Variants in LRMDA observed in about 807,000 individuals in gnomAD.
LRMDA encodes the protein leucine rich melanocyte differentiation associated, also known as leucine-rich melanocyte differentiation-associated protein.
In LRMDA, 18 loss-of-function variants were observed where a neutral mutation model predicts 29.8. That is an observed-to-expected ratio of 0.60 (90% CI 0.42 to 0.90). The LOEUF (loss-of-function observed/expected upper bound fraction) is 0.90. Ranked by LOEUF, LRMDA falls within the 40% of genes least tolerant of loss-of-function variation. The pLI is 0.00. For missense variants in LRMDA, 273 were observed against 273.9 expected (o/e 1.00, Z 0.02); for synonymous variants, 125 against 109.4 (o/e 1.14, Z -0.89).
At chr10:75,509,241 C>T (rs568031614) in intron 2 of LRMDA, among the ~76,000 whole-genome samples, 9 of 151,992 alleles carry the variant, frequency 5.9e-5, no homozygotes, top group Non-Finnish European at 1.0e-4. Context: ...CAGAAACCCA[C>T]GTGGCTAGAG....
intron 2 of LRMDA, among the ~76,000 whole-genome samples, chr10:75,482,730 G>A (rs1413893650): frequency 6.6e-6 from 1 of 152,062 alleles, no homozygotes; most frequent in East Asian, 1.9e-4. Flanking sequence ...GGGGTATAAG[G>A]ATACATTTTA....
intron 5 of LRMDA, among the ~76,000 whole-genome samples, chr10:76,138,709 T>A (rs1383461259): frequency 6.6e-6 from 1 of 152,192 alleles, no homozygotes; most frequent in Admixed American, 6.5e-5. Flanking sequence ...AGAGCCCAAA[T>A]ACCATTACAA....
intron 6 of LRMDA, among the ~76,000 whole-genome samples, chr10:76,493,972 T>C (rs915237864): frequency 6.6e-6 from 1 of 152,064 alleles, no homozygotes; most frequent in Admixed American, 6.6e-5. Context: ...TTCTGACAGT[T>C]TATTGCTTTT....
At chr10:75,675,249 A>G (rs1002876888) in intron 2 of LRMDA, among the ~76,000 whole-genome samples, 10 of 152,250 alleles carry the variant, frequency 6.6e-5, no homozygotes, top group African/African-American at 2.4e-4. Flanking sequence ...TTGTGTGAGC[A>G]GGATCTTAAT....
chr10:75,518,840 G>C (rs530827075), intron 2 of LRMDA, among the ~76,000 whole-genome samples: 1 of 152,282 alleles, frequency 6.6e-6, no homozygotes, highest in South Asian at 2.1e-4. Flanking sequence ...TGGGCACTTA[G>C]TGCTATAAAT....
At chr10:76,556,677 C>T (rs1421155384) in intron 6 of LRMDA, among the ~76,000 whole-genome samples, 5 of 152,076 alleles carry the variant, frequency 3.3e-5, no homozygotes, top group Non-Finnish European at 2.9e-5. Flanking sequence ...TTGTCAACAC[C>T]ACCTCTCTTC....
chr10:76,390,795 TC>T (rs2132483378), intron 6 of LRMDA, among the ~76,000 whole-genome samples: 1 of 152,224 alleles, frequency 6.6e-6, no homozygotes, highest in African/African-American at 2.4e-5. Context: ...TCAGCCCCCT[TC>T]CCCTCTGATT....
intron 5 of LRMDA, among the ~76,000 whole-genome samples, chr10:76,131,946 G>A (rs1483649517): frequency 6.6e-6 from 1 of 152,142 alleles, no homozygotes; most frequent in Non-Finnish European, 1.5e-5. Flanking sequence ...GAATATATAT[G>A]GCTGATGATG....
At chr10:75,894,886 G>A (rs1038605130) in intron 2 of LRMDA, among the ~76,000 whole-genome samples, 9 of 152,186 alleles carry the variant, frequency 5.9e-5, no homozygotes, top group African/African-American at 2.2e-4. Flanking sequence ...TAAGTGTTTT[G>A]TACTTACATA....
At chr10:76,440,474 G>T (rs1342984921) in intron 6 of LRMDA, among the ~76,000 whole-genome samples, 1 of 151,982 alleles carries the variant, frequency 6.6e-6, no homozygotes, top group South Asian at 2.1e-4. Flanking sequence ...TTTTAGTTTC[G>T]CTGAGTTCAG....
chr10:75,902,180 C>T (rs1307871830), intron 2 of LRMDA, among the ~76,000 whole-genome samples: 2 of 152,196 alleles, frequency 1.3e-5, no homozygotes, highest in Non-Finnish European at 2.9e-5. Flanking sequence ...TTTGGCTACC[C>T]CTTGGCCTTA....
intron 2 of LRMDA, among the ~76,000 whole-genome samples, chr10:75,490,576 C>G (rs377537218): frequency 2.6e-5 from 4 of 152,204 alleles, no homozygotes; most frequent in African/African-American, 9.6e-5. Context: ...TAGAATTGAA[C>G]AAACATATGG....
chr10:76,094,872 C>A (rs1000387945), intron 5 of LRMDA, among the ~76,000 whole-genome samples: 1 of 152,150 alleles, frequency 6.6e-6, no homozygotes, highest in Non-Finnish European at 1.5e-5. Flanking sequence ...AACTGGGAAG[C>A]CACAGTCCAT....
intron 5 of LRMDA, among the ~76,000 whole-genome samples, chr10:76,213,465 GCA>G (rs1434867930): frequency 6.6e-6 from 1 of 152,180 alleles, no homozygotes; most frequent in African/African-American, 2.4e-5. Context: ...CTCTTCAATG[GCA>G]CAGTTATAGA....
At chr10:75,792,051 G>A (rs1843575667) in intron 2 of LRMDA, among the ~76,000 whole-genome samples, 1 of 151,602 alleles carries the variant, frequency 6.6e-6, no homozygotes, top group Non-Finnish European at 1.5e-5. Context: ...AGTAGAGATG[G>A]GGTTTCACTG....
chr10:75,786,953 A>G (rs991613692), intron 2 of LRMDA, among the ~76,000 whole-genome samples: 3 of 152,236 alleles, frequency 2.0e-5, no homozygotes, highest in Admixed American at 6.5e-5. Context: ...AGGCAGAGGT[A>G]TCACACAATT....
intron 6 of LRMDA, among the ~76,000 whole-genome samples, chr10:76,436,552 C>T (rs1842246524): frequency 6.6e-6 from 1 of 152,180 alleles, no homozygotes. Context: ...CTTTGCTTCT[C>T]AAGCTGCTGA....
chr10:75,624,007 C>T (rs912159235), intron 2 of LRMDA, among the ~76,000 whole-genome samples: 2 of 152,188 alleles, frequency 1.3e-5, no homozygotes, highest in Admixed American at 1.3e-4. Context: ...GGGAATTGAT[C>T]GGGAATATAC....
At chr10:76,254,194 T>G (rs992762181) in intron 5 of LRMDA, among the ~76,000 whole-genome samples, 4 of 152,194 alleles carry the variant, frequency 2.6e-5, no homozygotes, top group African/African-American at 9.6e-5. Context: ...GTTGTCAATA[T>G]TCATAATTAT....
Sources: gnomAD v4.1 joint callset for allele counts (sites outside exome capture counted in the v4.1 genomes callset) on GRCh38, gnomAD v4.1.1 for gene constraint, MANE v1.5 for transcripts, NCBI Gene and HGNC (gene_info 2026-07-23, HGNC 2026-07-21) for gene names.